CD109: variants seen among roughly 807,000 people sequenced by gnomAD.
CD109 encodes CD109 molecule.
CD109 carries 149 observed loss-of-function variants against 165.8 expected under a neutral mutation model. The ratio of observed to expected loss-of-function variants is 0.90; its 90% CI spans 0.79 to 1.03. The LOEUF is 1.03. CD109 is among the 50% of genes least tolerant of loss of function. The pLI, the probability that CD109 is intolerant of heterozygous loss-of-function variation, is 0.00. For synonymous variants in CD109, 585 were observed against 592.1 expected (o/e 0.99, Z 0.18); for missense variants, 1,712 against 1,677.8 (o/e 1.02, Z -0.36).
At chr6:73,734,466 C>G (rs1179165780) in intron 4 of CD109, among the ~76,000 whole-genome samples, 1 of 152,228 alleles carries the variant, frequency 6.6e-6, no homozygotes, top group East Asian at 1.9e-4. Context: ...AATTACTAGA[C>G]AGCATATATT....
rs1392140349 is a variant in CD109, at chr6:73,701,481, C to T, written c.247+3909C>T. 2.6e-5 allele frequency among the ~76,000 whole-genome samples: 4 copies of T among 152,056 alleles called. No individual in the cohort carries two copies. The East Asian group carries it at 7.7e-4, about 29-fold the overall frequency. On this transcript the variant is annotated intron_variant, in intron 2 of 32. Coordinates refer to ENST00000287097, the MANE Select transcript of CD109 (RefSeq NM_133493.5). ...AGTGAGTCTGTCCCTTTGTCTCTTC[C>T]CATATTTTTTTTCTCTTTCCTTACT...
intron 22 of CD109, among the ~76,000 whole-genome samples, chr6:73,791,184 C>CATATATATATATATATATATAT (rs1562071064): frequency 2.0e-5 from 1 of 50,876 alleles, no homozygotes; most frequent in African/African-American, 9.7e-5. Context: ...TATACACACA[C>CATATATATATATATATATATAT]ACACATACAT....
chr6:73,769,852 A>G (rs1305236325), intron 14 of CD109, among the ~76,000 whole-genome samples: 1 of 152,186 alleles, frequency 6.6e-6, no homozygotes, highest in African/African-American at 2.4e-5. Context: ...TGGAGAAAGT[A>G]ACCTACATAC....
At position 73,811,074 on chromosome 6, in the gene CD109, C is replaced by A. The variant is rs528060701; in HGVS notation, c.3629C>A (p.Thr1210Lys). ...AGGACAAATATCCAAGTGACCGTGA[C>A]GGGGCCTAGCTCACCAAGTCCTGTA... ...TERTNIQVTVTGPSSPSPVKF... is the reference protein window; with the variant it reads ...TERTNIQVTVKGPSSPSPVKF... Residue 1210 changes from threonine to lysine, a missense_variant, in exon 28 of 33, where the codon ACG becomes AAG. Transcript: ENST00000287097. The A allele has an allele frequency of 1.2e-6, 2 of 1,613,426 alleles. No homozygotes were observed. Among genetic ancestry groups the A allele is most frequent in the Non-Finnish European group, 1.7e-6 (2 of 1,179,588 alleles).
chr6:73,773,128 TACAC>T (rs886894394), intron 15 of CD109, among the ~76,000 whole-genome samples: 1 of 149,272 alleles, frequency 6.7e-6, no homozygotes. Flanking sequence ...TACATACACA[TACAC>T]ACACACCCCA....
Position 73,827,957 on chromosome 6 carries a change from C to T in CD109, c.*4324C>T, listed in dbSNP as rs916276200. ...TGGTGGTAGAAGGTAGTTCCATGTT[C>T]CATTTGTAGATCTTTAAGATTTTAT... On this transcript the variant is annotated 3_prime_UTR_variant, in exon 33 of 33. Coordinates refer to ENST00000287097, the MANE Select transcript of CD109 (RefSeq NM_133493.5). 6.5e-6 allele frequency: 1 copy of T among 154,696 alleles called. No individual in the cohort carries two copies. Among genetic ancestry groups the T allele is most frequent in the Non-Finnish European group, 1.5e-5 (1 of 68,196 alleles). 9.6% of individuals were successfully genotyped at this position (154,696 alleles called of 1,614,324 possible).
intron 2 of CD109, among the ~76,000 whole-genome samples, chr6:73,714,632 C>A (rs9293938): frequency 0.25 from 38,343 of 152,196 alleles, 5,048 homozygotes; most frequent in Admixed American, 0.31. Flanking sequence ...CATGTCAAAA[C>A]TGTGTAGTGT....
At chr6:73,708,189 C>T (rs1055814448) in intron 2 of CD109, among the ~76,000 whole-genome samples, 8 of 151,808 alleles carry the variant, frequency 5.3e-5, no homozygotes, top group African/African-American at 1.5e-4. Flanking sequence ...TGATGTTCCC[C>T]GTCCTGTGTC....
chr6:73,761,204 C>T (rs9442959), intron 7 of CD109, among the ~76,000 whole-genome samples: 6 of 152,112 alleles, frequency 3.9e-5, no homozygotes, highest in Non-Finnish European at 7.4e-5. Context: ...AAACCTTCCT[C>T]GCTAATATTG....
chr6:73,679,999 T>C, the CD109 span, among the ~76,000 whole-genome samples: 8 of 152,232 alleles, frequency 5.3e-5, no homozygotes, highest in Non-Finnish European at 1.2e-4. Context: ...TCATAGTGTT[T>C]TGTTTTAGAG....
At chr6:73,769,650 G>A (rs1362355075) in intron 14 of CD109, among the ~76,000 whole-genome samples, 1 of 152,228 alleles carries the variant, frequency 6.6e-6, no homozygotes, top group African/African-American at 2.4e-5. Context: ...GTTTATTAAT[G>A]TTCAGTAATG....
At chr6:73,780,112 G>T (rs1774422865) in intron 15 of CD109, among the ~76,000 whole-genome samples, 1 of 151,296 alleles carries the variant, frequency 6.6e-6, no homozygotes, top group Non-Finnish European at 1.5e-5. Flanking sequence ...CCAAAAGTGT[G>T]GGTCATTTTT....
intron 19 of CD109, 132 bp downstream of exon 19, chr6:73,783,956 T>C: frequency 1.7e-6 from 1 of 583,154 alleles, no homozygotes; most frequent in Non-Finnish European, 3.0e-6. Flanking sequence ...GCTTTGTCTT[T>C]TGGTTTTTAT....
At chr6:73,711,075 G>C (rs1039958051) in intron 2 of CD109, among the ~76,000 whole-genome samples, 2 of 152,224 alleles carry the variant, frequency 1.3e-5, no homozygotes, top group Admixed American at 6.5e-5. Context: ...GCGTGGGCCA[G>C]ACTGGATCTG....
intron 23 of CD109, among the ~76,000 whole-genome samples, chr6:73,802,288 T>TATATAC (rs1775387395): frequency 3.0e-5 from 3 of 98,544 alleles, no homozygotes; most frequent in Non-Finnish European, 6.4e-5. Flanking sequence ...TGTGTGTGTG[T>TATATAC]GTATATATAT....
chr6:73,797,503 G>C (rs1417159325), intron 23 of CD109, among the ~76,000 whole-genome samples: 1 of 152,096 alleles, frequency 6.6e-6, no homozygotes, highest in Non-Finnish European at 1.5e-5. Context: ...AAAAAACTGT[G>C]ATGTTCTCAC....
the CD109 span, among the ~76,000 whole-genome samples, chr6:73,684,929 T>C: frequency 2.0e-5 from 3 of 151,688 alleles, no homozygotes; most frequent in East Asian, 3.9e-4. Flanking sequence ...CATTTTTTTT[T>C]CTTTTTTTTT....
At chr6:73,721,741 A>G (rs1771958974) in intron 2 of CD109, among the ~76,000 whole-genome samples, 1 of 150,076 alleles carries the variant, frequency 6.7e-6, no homozygotes, top group Non-Finnish European at 1.5e-5. Context: ...TTATTGATTT[A>G]TTTATTTATT....
intron 23 of CD109, among the ~76,000 whole-genome samples, chr6:73,794,378 A>T (rs1338883456): frequency 1.3e-5 from 2 of 152,154 alleles, no homozygotes; most frequent in African/African-American, 2.4e-5. Context: ...TCGGGACGGG[A>T]TGCTTGAGTA....
Sources: gnomAD v4.1 joint callset for allele counts (sites outside exome capture counted in the v4.1 genomes callset) on GRCh38, gnomAD v4.1.1 for gene constraint, MANE v1.5 for transcripts, NCBI Gene and HGNC (gene_info 2026-07-23, HGNC 2026-07-21) for gene names.